The following ZNF292 variants were observed in gnomAD, a reference collection of about 807,000 sequenced individuals.
The protein encoded by ZNF292 is zinc finger protein 292, also known as 16 zinc-finger domain protein.
ZNF292 carries 26 observed loss-of-function variants against 217.9 expected under a neutral mutation model. The ratio of observed to expected loss-of-function variants is 0.12; its 90% CI spans 0.09 to 0.17. The LOEUF is 0.17. ZNF292 is among the 10% of genes least tolerant of loss of function. The pLI, the probability that ZNF292 is intolerant of heterozygous loss-of-function variation, is 1.00. For synonymous variants in ZNF292, 1,257 were observed against 1,124.1 expected (o/e 1.12, Z -2.37); for missense variants, 2,904 against 3,175.2 (o/e 0.91, Z 2.05).
Position 87,262,523 on chromosome 6 carries a change from A to G in ZNF292, c.*722A>G, listed in dbSNP as rs1775658284. On this transcript the variant is annotated 3_prime_UTR_variant, in exon 8 of 8. Transcript: ENST00000369577. Reference sequence around the variant, plus strand: ...CCTATAGCTACAGTTTTTTTTTTTCATTGCTTCTAATTGGATATAGTTACT... The same window carrying G: ...CCTATAGCTACAGTTTTTTTTTTTCGTTGCTTCTAATTGGATATAGTTACT... 2 of 148,414 alleles carry G rather than the reference A, an allele frequency of 1.3e-5. No individual in the cohort carries two copies. Among genetic ancestry groups the G allele is most frequent in the Non-Finnish European group, 3.0e-5 (2 of 67,022 alleles). The allele number at this position is 148,414 out of a possible 1,614,324, so 9.2% of individuals were successfully genotyped here.
At position 87,260,170 on chromosome 6, in the gene ZNF292, C is replaced by G. The variant is rs377387515; in HGVS notation, c.6541C>G (p.Arg2181Gly). ...EFRCQVSDCS[R>G]IFQAITGLIQ... ...TCGATGTCAGGTAAGTGACTGTTCTCGAATTTTCCAAGCAATTACTGGCCT... is the reference window on the plus strand; with the variant it reads ...TCGATGTCAGGTAAGTGACTGTTCTGGAATTTTCCAAGCAATTACTGGCCT... The change falls in exon 8 of 8, where the codon CGA (arginine) becomes GGA (glycine). Residue 2181 changes from arginine to glycine, a missense_variant. Coordinates refer to ENST00000369577, the MANE Select transcript of ZNF292 (RefSeq NM_015021.3). The G allele has an allele frequency of 1.2e-6, 2 of 1,612,760 alleles. No homozygotes were observed. Among genetic ancestry groups the G allele is most frequent in the South Asian group, 2.2e-5 (2 of 91,048 alleles).
Position 87,258,263 on chromosome 6 carries a change from C to T in ZNF292, c.4634C>T (p.Thr1545Ile). The change falls in exon 8 of 8, where the codon ACC becomes ATC. Residue 1545 changes from threonine (T) to isoleucine (I), a missense_variant. This residue lies in a region of ZNF292 where 622 missense variants were observed against 573.1 expected (regional missense o/e 1.09). Coordinates refer to ENST00000369577, the MANE Select transcript of ZNF292 (RefSeq NM_015021.3). Reference protein sequence around the residue: ...PLLHTVCHPNTLLTNQNRTSN... With the variant: ...PLLHTVCHPNILLTNQNRTSN... Reference sequence around the variant, plus strand: ...TTGCACACTGTATGCCATCCAAACACCTTGCTGACCAACCAGAATAGGACG... The same window carrying T: ...TTGCACACTGTATGCCATCCAAACATCTTGCTGACCAACCAGAATAGGACG... The T allele has an allele frequency of 1.2e-6, 2 of 1,613,188 alleles. No individual in the cohort carries two copies. Among genetic ancestry groups the T allele is most frequent in the Non-Finnish European group, 1.7e-6 (2 of 1,179,630 alleles).
intron 1 of ZNF292, among the ~76,000 whole-genome samples, chr6:87,211,048 T>G (rs1245861832): frequency 1.3e-5 from 2 of 152,236 alleles, no homozygotes; most frequent in South Asian, 2.1e-4. Context: ...GCCACTAGTT[T>G]ATGAACACAC....
Position 87,204,554 on chromosome 6 carries a change from A to ATTTTTTTTTT in ZNF292, c.169-11332_169-11323dup, listed in dbSNP as rs68087857. 5.5e-4 allele frequency among the ~76,000 whole-genome samples: 35 copies of ATTTTTTTTTT among 63,636 alleles called. 7 individuals are homozygous for ATTTTTTTTTT. The highest frequency in any genetic ancestry group is 1.5e-3 in the African/African-American group (22 of 14,376). 41.7% of individuals were successfully genotyped at this position (63,636 alleles called of 152,430 possible). A position where few individuals can be genotyped will look rare whatever the true frequency, so the allele number is the denominator to read the frequency against. On this transcript the variant is annotated intron_variant, in intron 1 of 7. Transcript: ENST00000369577. ...TAGGATTTGGTTGGTAACATTTAGGATTTTTTTTTTTTTTTTTTTTTTTTT... is the reference window on the plus strand; with the variant it reads ...TAGGATTTGGTTGGTAACATTTAGGATTTTTTTTTTTTTTTTTTTTTTTTTTTTTTTTTTT...
chr6:87,189,031 C>A (rs1771746343), intron 1 of ZNF292, among the ~76,000 whole-genome samples: 1 of 151,820 alleles, frequency 6.6e-6, no homozygotes. Flanking sequence ...ATGGCAAAAC[C>A]CTGTCTCTAC....
At chr6:87,160,600 T>A (rs1770708033) in intron 1 of ZNF292, among the ~76,000 whole-genome samples, 1 of 152,028 alleles carries the variant, frequency 6.6e-6, no homozygotes, top group South Asian at 2.1e-4. Context: ...TGTGTGTATA[T>A]ATACATATAT....
chr6:87,206,100 A>G (rs1772245102), intron 1 of ZNF292, among the ~76,000 whole-genome samples: 1 of 152,214 alleles, frequency 6.6e-6, no homozygotes, highest in African/African-American at 2.4e-5. Context: ...TGCTGGGGAC[A>G]GCAAGCTAAT....
At chr6:87,172,552 A>G (rs759066329) in intron 1 of ZNF292, among the ~76,000 whole-genome samples, 1 of 152,094 alleles carries the variant, frequency 6.6e-6, no homozygotes, top group African/African-American at 2.4e-5. Flanking sequence ...TAGAAGTACT[A>G]TAGTAGTCAT....
At position 87,258,503 on chromosome 6, in the gene ZNF292, A is replaced by G. The variant is rs764302606; in HGVS notation, c.4874A>G (p.Asn1625Ser). The part of the protein sequence containing the change: ...TRSSHLNKKG[N>S]SASKRRKKVA... Reference sequence around the variant, plus strand: ...TCCAGTCATTTAAATAAAAAGGGAAACAGTGCTTCTAAGAGAAGAAAGAAA... The same window carrying G: ...TCCAGTCATTTAAATAAAAAGGGAAGCAGTGCTTCTAAGAGAAGAAAGAAA... The change falls in exon 8 of 8, where the codon AAC becomes AGC. Residue 1625 changes from asparagine (N) to serine (S), a missense_variant. Around this residue, in one of 15 missense-constraint regions of ZNF292, gnomAD observed 622 missense variants for 573.1 expected, o/e 1.09. Coordinates refer to ENST00000369577, the MANE Select transcript of ZNF292 (RefSeq NM_015021.3). The G allele has an allele frequency of 5.6e-6, 9 of 1,613,760 alleles. No homozygotes were observed. Among genetic ancestry groups the G allele is most frequent in the East Asian group, 2.2e-5 (1 of 44,876 alleles).
rs1582542829 is a variant in ZNF292 at position 87,265,903 on chromosome 6, G to A, written c.*4102G>A. Among the ~76,000 whole-genome samples the A allele has an allele frequency of 1.3e-5, 2 of 152,250 alleles. No individual in the cohort carries two copies. Among genetic ancestry groups the A allele is most frequent in the Non-Finnish European group, 1.5e-5 (1 of 68,020 alleles). On this transcript the variant is annotated 3_prime_UTR_variant, in exon 8 of 8. Transcript: ENST00000369577. ...AATGCTCATTGAATTTCAAGTAATT[G>A]TGATTAAACGTTGATTAAAATCCAG...
rs972735180 is a variant in ZNF292 at position 87,262,945 on chromosome 6, A to T, written c.*1144A>T. Reference sequence around the variant, plus strand: ...ACAAGAGTCCTTAACATTTATAATTACATAGATAAAACACTTTCTATAAGG... The same window carrying T: ...ACAAGAGTCCTTAACATTTATAATTTCATAGATAAAACACTTTCTATAAGG... On this transcript the variant is annotated 3_prime_UTR_variant, in exon 8 of 8. Coordinates refer to ENST00000369577, the MANE Select transcript of ZNF292 (RefSeq NM_015021.3). The T allele has an allele frequency of 6.6e-6, 1 of 152,034 alleles. No individual in the cohort carries two copies. The highest frequency in any genetic ancestry group is 1.5e-5 in the Non-Finnish European group (1 of 67,904). 9.4% of individuals were successfully genotyped at this position (152,034 alleles called of 1,614,324 possible).
intron 4 of ZNF292, 110 bp downstream of exon 4, chr6:87,218,841 A>G (rs2127805905): frequency 8.2e-7 from 1 of 1,213,720 alleles, no homozygotes; most frequent in East Asian, 2.7e-5. Context: ...AGGACCATTT[A>G]ATTAAATATC....
At chr6:87,221,675 A>C (rs909949484) in intron 4 of ZNF292, among the ~76,000 whole-genome samples, 1 of 152,132 alleles carries the variant, frequency 6.6e-6, no homozygotes, top group African/African-American at 2.4e-5. Flanking sequence ...GATATATAGC[A>C]GGTGTACATA....
rs1382227763 is a variant in ZNF292, at chr6:87,234,744, AAGAC to A, written c.741+1221_741+1224del. On this transcript the variant is annotated intron_variant, in intron 5 of 7. Coordinates refer to ENST00000369577, the MANE Select transcript of ZNF292 (RefSeq NM_015021.3). ...TATGTTAAGGGAAAAATTGAGATAT[AAGAC>A]AGAGAAGTAAACTAATAGAGCATGC... Among the ~76,000 whole-genome samples the A allele has an allele frequency of 5.3e-5, 8 of 152,254 alleles. No homozygotes were observed. In the East Asian group the frequency reaches 9.6e-4, roughly 18 times the overall value.
At chr6:87,248,519 G>A (rs1485813788) in intron 7 of ZNF292, among the ~76,000 whole-genome samples, 1 of 152,148 alleles carries the variant, frequency 6.6e-6, no homozygotes, top group Non-Finnish European at 1.5e-5. Flanking sequence ...GAGGCTAGAG[G>A]ATCACTTGAG....
chr6:87,217,041 A>G (rs988025297), intron 3 of ZNF292, among the ~76,000 whole-genome samples: 5 of 151,992 alleles, frequency 3.3e-5, no homozygotes, highest in African/African-American at 9.7e-5. Context: ...GGCTTCAACT[A>G]AATTTTGATT....
chr6:87,175,189 C>T (rs1373188574), intron 1 of ZNF292, among the ~76,000 whole-genome samples: 6 of 152,178 alleles, frequency 3.9e-5, no homozygotes, highest in African/African-American at 1.4e-4. Context: ...TTCTTCTCTC[C>T]TTATGTGAAA....
intron 1 of ZNF292, among the ~76,000 whole-genome samples, chr6:87,206,606 A>G (rs1167767188): frequency 6.6e-6 from 1 of 152,144 alleles, no homozygotes; most frequent in Non-Finnish European, 1.5e-5. Context: ...TTGACACACC[A>G]CTATTATCTA....
chr6:87,189,725 G>A (rs1771773897), intron 1 of ZNF292, among the ~76,000 whole-genome samples: 1 of 151,816 alleles, frequency 6.6e-6, no homozygotes, highest in Admixed American at 6.6e-5. Context: ...CACAGTTGAT[G>A]TTAACTTACC....
Sources: gnomAD v4.1 joint callset for allele counts (sites outside exome capture counted in the v4.1 genomes callset) on GRCh38, gnomAD v4.1.1 for gene constraint, gnomAD v4.1.1 regional missense constraint, MANE v1.5 for transcripts, NCBI Gene and HGNC (gene_info 2026-07-23, HGNC 2026-07-21) for gene names.